The following ARAP3 variants were observed in gnomAD, a reference collection of about 807,000 sequenced individuals.
ARAP3 encodes arf-GAP with Rho-GAP domain, ANK repeat and PH domain-containing protein 3.
In ARAP3, 82 loss-of-function variants were observed where a neutral mutation model predicts 169.2. That is an observed-to-expected ratio of 0.48 (90% CI 0.41 to 0.58). The LOEUF is 0.58. Among genes scored for constraint, ARAP3 ranks in the 20% least tolerant of loss-of-function variants. The probability of loss-of-function intolerance (pLI) is 0.00; values close to 1 mark genes in which losing one functional copy is unlikely to be tolerated. For synonymous variants in ARAP3, 791 were observed against 800.3 expected (o/e 0.99, Z 0.20); for missense variants, 1,764 against 2,018.0 (o/e 0.87, Z 2.41).
At position 141,655,888 on chromosome 5, in the gene ARAP3, G is replaced by T. The variant is rs1235557932; in HGVS notation, c.3953C>A (p.Thr1318Asn). The change falls in exon 30 of 33, where the codon ACC becomes AAC. Residue 1318 changes from threonine to asparagine, a missense_variant. By Grantham distance (65) the Thr-to-Asn change is moderately conservative (BLOSUM62 0). Around this residue, in one of 3 missense-constraint regions of ARAP3, gnomAD observed 1,112 missense variants for 1,285.7 expected, o/e 0.86. Coordinates refer to ENST00000239440, the MANE Select transcript of ARAP3 (RefSeq NM_022481.6). ...TDEDEMWDWTTSILKAQHDDQ... is the reference protein window; with the variant it reads ...TDEDEMWDWTNSILKAQHDDQ... ...CCTCACCTGGGCTTTAAGGATGCTG[G>T]TGGTCCAATCCCACATTTCATCCTC... 1 of 1,614,024 alleles carries T rather than the reference G, an allele frequency of 6.2e-7. No homozygotes were observed. The highest frequency in any genetic ancestry group is 1.1e-5 in the South Asian group (1 of 91,078).
In ARAP3 at chr5:141,680,337, G is replaced by T. The variant is rs372589227; in HGVS notation, c.150C>A (p.Ser50Arg). 16 of 1,614,222 alleles carry T rather than the reference G, an allele frequency of 9.9e-6. No homozygotes were observed. Among genetic ancestry groups the T allele is most frequent in the Non-Finnish European group, 1.3e-5 (15 of 1,180,028 alleles). The change falls in exon 2 of 33, where the codon AGC (serine) becomes AGA (arginine). Residue 50 changes from serine (S) to arginine (R), a missense_variant. Physicochemically the swap from Ser to Arg is moderately radical, Grantham distance 110. Transcript: ENST00000239440. ...GHEELKQLGI[S>R]ATGHRKRILR... ...GAATGCGTTTCCGGTGCCCTGTGGC[G>T]CTGATGCCCAACTGCTTCAACTCCT...
intron 4 of ARAP3, among the ~76,000 whole-genome samples, chr5:141,675,620 G>A (rs2099912077): frequency 6.6e-6 from 1 of 151,928 alleles, no homozygotes; most frequent in Non-Finnish European, 1.5e-5. Context: ...CTACTCGGGA[G>A]GCTGAGGCAA....
Position 141,661,707 on chromosome 5 carries a change from G to A in ARAP3, c.3096C>T (p.Ala1032=). The A allele has an allele frequency of 6.2e-7, 1 of 1,614,230 alleles. No individual in the cohort carries two copies. The highest frequency in any genetic ancestry group is 1.6e-4 in the Middle Eastern group (1 of 6,062). ...ACCGATAGAGATGCCCAATGAGGGTGGCCAGTGTGCGGCGGTTGACCCGCG... is the reference window on the plus strand; with the variant it reads ...ACCGATAGAGATGCCCAATGAGGGTAGCCAGTGTGCGGCGGTTGACCCGCG... ...CLPRVNRRTL[A]TLIGHLYRVQ... The change falls in exon 21 of 33, where the codon GCC becomes GCT. Residue 1032 remains alanine (A), a synonymous_variant. Coordinates refer to ENST00000239440, the MANE Select transcript of ARAP3 (RefSeq NM_022481.6).
In ARAP3 at chr5:141,680,511, G is replaced by A. The variant is rs779155565; in HGVS notation, c.-17-8C>T. ...TGGGGGCTCAGGCCATTGCTGGGGG[G>A]AGGGGCAGGGTGAAGGGAGGGCTCA... is the stretch of plus-strand genomic sequence containing the variant. On this transcript the variant is annotated splice_region_variant and splice_polypyrimidine_tract_variant and intron_variant, in intron 1 of 32. Coordinates refer to ENST00000239440, the MANE Select transcript of ARAP3 (RefSeq NM_022481.6). 14 of 1,564,874 alleles carry A rather than the reference G, an allele frequency of 8.9e-6. No homozygotes were observed. The highest frequency in any genetic ancestry group is 2.3e-5 in the South Asian group (2 of 86,094).
At chr5:141,676,876 T>C (rs1433663706) in intron 4 of ARAP3, among the ~76,000 whole-genome samples, 1 of 152,162 alleles carries the variant, frequency 6.6e-6, no homozygotes, top group Non-Finnish European at 1.5e-5. Context: ...TCTAAGCTCG[T>C]CTACCCAGTG....
Position 141,671,508 on chromosome 5 carries a change from C to T in ARAP3, c.1854+62G>A. 6.2e-7 allele frequency: 1 copy of T among 1,608,964 alleles called. No individual in the cohort carries two copies. Among genetic ancestry groups the T allele is most frequent in the Non-Finnish European group, 8.5e-7 (1 of 1,177,910 alleles). ...CCCCACCACCCAAGTCTAGGCATTC[C>T]AACTCCAGAGAGTGTTTCCTGACCC... On this transcript the variant is annotated intron_variant, in intron 12 of 32. Transcript: ENST00000239440. This position sits in a 1 kb window ranked among gnomAD's most constrained non-coding sequence, Gnocchi z 4.9.
At chr5:141,658,765 C>G in intron 23 of ARAP3, 112 bp from the exon 24 acceptor site, 1 of 917,872 alleles carries the variant, frequency 1.1e-6, no homozygotes, top group Non-Finnish European at 1.6e-6. Flanking sequence ...AAGGTCTCCT[C>G]CCAACCCCAA....
chr5:141,678,253 T>C (rs752649603), intron 4 of ARAP3, among the ~76,000 whole-genome samples: 19 of 151,660 alleles, frequency 1.3e-4, no homozygotes, highest in African/African-American at 1.7e-4. Flanking sequence ...GCCTGACCCT[T>C]ATCTGGCCTC....
chr5:141,665,060 G>A lies in ARAP3; in HGVS notation c.2662C>T (p.Arg888Trp), dbSNP rs753854855. The change falls in exon 19 of 33, where the codon CGG (arginine) becomes TGG (tryptophan). Residue 888 changes from arginine (R) to tryptophan (W), a missense_variant. By Grantham distance (101) the Arg-to-Trp change is moderately radical. Transcript: ENST00000239440. ...GRTLYLQGEG[R>W]LDFTAWNAAI... ...GCGTTCCATGCCGTGAAGTCCAGCC[G>A]GCCCTCTCCTTGCAGATACAGGGTC... The A allele has an allele frequency of 3.1e-6, 5 of 1,613,364 alleles. No homozygotes were observed. The highest frequency in any genetic ancestry group is 4.2e-6 in the Non-Finnish European group (5 of 1,179,652).
chr5:141,671,444 G>A lies in ARAP3; in HGVS notation c.1855-44C>T. On this transcript the variant is annotated intron_variant, in intron 12 of 32. Transcript: ENST00000239440. This position sits in a 1 kb window ranked among gnomAD's most constrained non-coding sequence, Gnocchi z 4.9. ...CTCTGTCAGCCCCAAATCCCAAACT[G>A]AGAGCACTGGGGACAGTCGTATCAT... is the stretch of plus-strand genomic sequence containing the variant. 6.3e-7 allele frequency: 1 copy of A among 1,594,920 alleles called. No individual in the cohort carries two copies. Among genetic ancestry groups the A allele is most frequent in the Non-Finnish European group, 8.6e-7 (1 of 1,169,548 alleles).
chr5:141,673,398 C>T lies in ARAP3; in HGVS notation c.972+3G>A, dbSNP rs185977620. On this transcript the variant is annotated splice_donor_region_variant and intron_variant, in intron 6 of 32. Coordinates refer to ENST00000239440, the MANE Select transcript of ARAP3 (RefSeq NM_022481.6). ...CATATCGTCACATCTCCCAGCCCCC[C>T]ACCTTGTCACTGCCAAAGTACATCA... 2 of 1,614,134 alleles carry T rather than the reference C, an allele frequency of 1.2e-6. No homozygotes were observed. Among genetic ancestry groups the T allele is most frequent in the South Asian group, 2.2e-5 (2 of 91,088 alleles).
chr5:141,655,529 T>A, intron 31 of ARAP3, 92 bp downstream of exon 31: 1 of 1,597,546 alleles, frequency 6.3e-7, no homozygotes, highest in Middle Eastern at 1.8e-4. Flanking sequence ...GAGCATAGGG[T>A]GGCACCAGGC....
chr5:141,656,433 G>A, intron 27 of ARAP3, 71 bp downstream of exon 27: 1 of 1,582,238 alleles, frequency 6.3e-7, no homozygotes, highest in Non-Finnish European at 8.6e-7. Flanking sequence ...TGTGGAGTCA[G>A]AGGGTGGGTG....
At chr5:141,656,400 A>G in intron 27 of ARAP3, 104 bp downstream of exon 27, 1 of 1,583,076 alleles carries the variant, frequency 6.3e-7, no homozygotes, top group East Asian at 2.3e-5. Context: ...CAGGGAAGCA[A>G]TGAGATTGAT....
rs760015763 is a variant in ARAP3 at position 141,659,889 on chromosome 5, G to C, written c.3157C>G (p.Arg1053Gly). 1 of 1,585,130 alleles carries C rather than the reference G, an allele frequency of 6.3e-7. No individual in the cohort carries two copies. The highest frequency in any genetic ancestry group is 8.6e-7 in the Non-Finnish European group (1 of 1,165,838). ...GGTGCAAACAGCAGAGCCAAGTTCC[G>C]CGTGCACATCTGGTTTAGAGCCGCA... ...KCAALNQMCT[R>G]NLALLFAPSV... is the part of the protein sequence containing the mutation. The change falls in exon 22 of 33, where the codon CGG becomes GGG. Residue 1053 changes from arginine to glycine, a missense_variant. Arg to Gly is a moderately radical substitution (Grantham distance 125). Around this residue, in one of 3 missense-constraint regions of ARAP3, gnomAD observed 1,112 missense variants for 1,285.7 expected, o/e 0.86. Transcript: ENST00000239440.
chr5:141,670,391 C>T (rs973803914), intron 14 of ARAP3, 121 bp downstream of exon 14: 16 of 1,101,090 alleles, frequency 1.5e-5, no homozygotes, highest in Non-Finnish European at 2.0e-5. Context: ...AGGACCCCAG[C>T]CCATTCCCAG....
rs752937056 is a variant in ARAP3 at position 141,673,602 on chromosome 5, C to T, written c.902+3G>A. ...CTCCCTCCCTTCCCCTCCCAGCACC[C>T]ACCCCTGAGGGGAGAGCTTGTCTAG... is the stretch of plus-strand genomic sequence containing the variant. On this transcript the variant is annotated splice_donor_region_variant and intron_variant, in intron 5 of 32. Coordinates refer to ENST00000239440, the MANE Select transcript of ARAP3 (RefSeq NM_022481.6). 1.2e-6 allele frequency: 2 copies of T among 1,613,496 alleles called. No individual in the cohort carries two copies. Among genetic ancestry groups the T allele is most frequent in the Non-Finnish European group, 1.7e-6 (2 of 1,179,562 alleles).
intron 6 of ARAP3, 57 bp from the exon 7 acceptor site, chr5:141,673,190 C>G: frequency 6.2e-7 from 1 of 1,609,426 alleles, no homozygotes; most frequent in Non-Finnish European, 8.5e-7. Flanking sequence ...TGTGTGCCAG[C>G]CCCTGGGTCC....
At chr5:141,664,894 G>T in intron 19 of ARAP3, 28 bp downstream of exon 19, 2 of 1,437,744 alleles carry the variant, frequency 1.4e-6, no homozygotes, top group Non-Finnish European at 1.8e-6. Flanking sequence ...CACCCCCATT[G>T]GCTCAGTACC....
Sources: allele counts gnomAD v4.1 joint callset (sites outside exome capture counted in the v4.1 genomes callset), GRCh38; gene constraint gnomAD v4.1.1; regional missense constraint gnomAD v4.1.1; non-coding constraint Gnocchi (gnomAD v3.1); transcripts MANE v1.5; gene names NCBI Gene and HGNC (gene_info 2026-07-23, HGNC 2026-07-21).